Variants in TSG101 observed in about 807,000 individuals in gnomAD.
TSG101 encodes tumor susceptibility 101, also known as tumor susceptibility gene 101 protein.
TSG101 carries 19 observed loss-of-function variants against 48.5 expected under a neutral mutation model. That is an observed-to-expected ratio of 0.39 (90% confidence interval 0.27 to 0.58). TSG101 has a LOEUF of 0.58. Ranked by LOEUF, TSG101 falls within the 20% of genes least tolerant of loss-of-function variation. The pLI is 0.55. For synonymous variants in TSG101, 174 were observed against 169.4 expected, an observed-to-expected ratio of 1.03 and a Z score of -0.21; for missense variants, 365 against 484.4, an observed-to-expected ratio of 0.75 and a Z score of 2.31.
chr11:18,512,723 A>ATTTTTTTTTTTTT (rs776263228), intron 4 of TSG101, among the ~76,000 whole-genome samples: 2 of 120,372 alleles, frequency 1.7e-5, no homozygotes, highest in Non-Finnish European at 3.3e-5. Context: ...GGACAGACAG[A>ATTTTTTTTTTTTT]TTTTTTTTTT....
At chr11:18,524,180 G>A (rs989187789) in intron 1 of TSG101, among the ~76,000 whole-genome samples, 1 of 152,242 alleles carries the variant, frequency 6.6e-6, no homozygotes, top group South Asian at 2.1e-4. Context: ...CTGTATGTAT[G>A]AAACATCTAA....
chr11:18,513,420 T>A (rs914827130), intron 4 of TSG101, among the ~76,000 whole-genome samples: 1 of 152,054 alleles, frequency 6.6e-6, no homozygotes, highest in South Asian at 2.1e-4. Context: ...CTTAGCCTCC[T>A]GAGTAGCTGG....
In TSG101 at chr11:18,502,473, C is replaced by G; in HGVS notation, c.640+13G>C. 1.2e-6 allele frequency: 2 copies of G among 1,607,238 alleles called. No individual in the cohort carries two copies. Among genetic ancestry groups the G allele is most frequent in the Non-Finnish European group, 8.5e-7 (1 of 1,175,876 alleles). On this transcript the variant is annotated intron_variant, in intron 7 of 9. Transcript: ENST00000251968. ...GCTTATATGGTGAAACACAAGTTTT[C>G]AAGGGTACTTACCAACAGTGGTCAC...
At chr11:18,516,360 T>G (rs1435980275) in intron 2 of TSG101, among the ~76,000 whole-genome samples, 196 bp from the exon 3 acceptor site, 1 of 151,786 alleles carries the variant, frequency 6.6e-6, no homozygotes, top group Admixed American at 6.5e-5. Context: ...TTTTTTGTTT[T>G]TTTTTTCAGA....
intron 9 of TSG101, 123 bp downstream of exon 9, chr11:18,481,507 T>G (rs114436060): frequency 5.9e-5 from 87 of 1,467,432 alleles, no homozygotes; most frequent in Non-Finnish European, 7.7e-5. Flanking sequence ...TCATTTAGTG[T>G]TTTTTGGGAA....
At chr11:18,499,474 G>C (rs1257758829) in intron 7 of TSG101, among the ~76,000 whole-genome samples, 3 of 119,736 alleles carry the variant, frequency 2.5e-5, no homozygotes, top group Non-Finnish European at 4.9e-5. Context: ...ATAGTTGTCT[G>C]ATCTCAGCTC....
intron 2 of TSG101, 148 bp downstream of exon 2, chr11:18,519,371 A>G (rs1850230803): frequency 3.2e-6 from 2 of 634,586 alleles, no homozygotes; most frequent in Non-Finnish European, 5.5e-6. Context: ...TAGATCTTCT[A>G]ATTTGCTACC....
intron 7 of TSG101, among the ~76,000 whole-genome samples, chr11:18,499,711 T>TA (rs1849858477): frequency 6.6e-6 from 1 of 151,648 alleles, no homozygotes; most frequent in Non-Finnish European, 1.5e-5. Context: ...GTGCCTGGCC[T>TA]AAAAAATTTT....
chr11:18,498,290 G>T (rs186254470), intron 7 of TSG101, among the ~76,000 whole-genome samples: 1 of 152,292 alleles, frequency 6.6e-6, no homozygotes, highest in East Asian at 1.9e-4. Context: ...GAAATCACTT[G>T]AAGGTTTTGA....
At chr11:18,504,861 T>C (rs1017557326) in intron 6 of TSG101, among the ~76,000 whole-genome samples, 2 of 152,228 alleles carry the variant, frequency 1.3e-5, no homozygotes, top group African/African-American at 4.8e-5. Flanking sequence ...ATTCCATTTC[T>C]AGAACTTAAT....
At chr11:18,520,220 T>C (rs948652762) in intron 1 of TSG101, among the ~76,000 whole-genome samples, 2 of 152,164 alleles carry the variant, frequency 1.3e-5, no homozygotes, top group Non-Finnish European at 2.9e-5. Context: ...TTATCTGTAT[T>C]TCACTCCTTT....
At chr11:18,499,302 ATATATT>A (rs1329531367) in intron 7 of TSG101, among the ~76,000 whole-genome samples, 5 of 86,174 alleles carry the variant, frequency 5.8e-5, no homozygotes, top group African/African-American at 1.8e-4. Flanking sequence ...ATTTATATTT[ATATATT>A]TATTTATATA....
chr11:18,484,107 T>C (rs749801746), intron 7 of TSG101, 35 bp from the exon 8 acceptor site: 14 of 1,604,400 alleles, frequency 8.7e-6, no homozygotes, highest in Non-Finnish European at 1.1e-5. Flanking sequence ...ACTTGCTTAC[T>C]TCCCAAGTTC....
chr11:18,499,402 A>ATATATATATATATTTTTT, intron 7 of TSG101, among the ~76,000 whole-genome samples: 15 of 5,454 alleles, frequency 2.8e-3, no homozygotes, highest in African/African-American at 4.0e-3. Context: ...ATATATATAT[A>ATATATATATATATTTTTT]TTTTTTTTTT....
intron 7 of TSG101, among the ~76,000 whole-genome samples, chr11:18,499,036 A>C (rs1310111740): frequency 6.6e-6 from 1 of 151,494 alleles, no homozygotes; most frequent in Non-Finnish European, 1.5e-5. Flanking sequence ...GTTTTAGCAA[A>C]ATGGTATGAG....
Position 18,483,813 on chromosome 11 carries a change from ACT to A in TSG101, c.843+55_843+56del, listed in dbSNP as rs1849581239. On this transcript the variant is annotated intron_variant, in intron 8 of 9. Coordinates refer to ENST00000251968, the MANE Select transcript of TSG101 (RefSeq NM_006292.4). ...ACAACATCCAGGGAACATATAGAAC[ACT>A]CTGCCATGGCTACAATTCAATCCAA... 10 of 1,579,722 alleles carry A rather than the reference ACT, an allele frequency of 6.3e-6. No individual in the cohort carries two copies. The African/African-American group carries it at 1.1e-4, about 17-fold the overall frequency.
intron 3 of TSG101, among the ~76,000 whole-genome samples, chr11:18,515,044 T>C (rs1031164335): frequency 2.0e-5 from 3 of 152,174 alleles, no homozygotes; most frequent in Non-Finnish European, 4.4e-5. Flanking sequence ...TCCCTAAACT[T>C]ATACTTGCTT....
intron 1 of TSG101, among the ~76,000 whole-genome samples, 171 bp from the exon 2 acceptor site, chr11:18,519,774 ACAT>A (rs770854787): frequency 3.5e-4 from 53 of 152,222 alleles, no homozygotes; most frequent in South Asian, 8.3e-4. Context: ...TATTTTCTTA[ACAT>A]CAGTAAATAT....
intron 2 of TSG101, among the ~76,000 whole-genome samples, chr11:18,516,954 C>CA (rs964724752): frequency 2.0e-5 from 3 of 152,018 alleles, no homozygotes; most frequent in African/African-American, 4.8e-5. Context: ...AACAAACAAA[C>CA]AAAAAAACAC....
Sources: allele counts gnomAD v4.1 joint callset (sites outside exome capture counted in the v4.1 genomes callset), GRCh38; gene constraint gnomAD v4.1.1; transcripts MANE v1.5; gene names NCBI Gene and HGNC (gene_info 2026-07-23, HGNC 2026-07-21).